The following COL21A1 variants were observed in gnomAD, a reference collection of about 807,000 sequenced individuals.
COL21A1 encodes the protein collagen type XXI alpha 1 chain.
In COL21A1, 149 loss-of-function variants were observed where a neutral mutation model predicts 137.9. The ratio of observed to expected loss-of-function variants is 1.08; its 90% CI spans 0.95 to 1.24. COL21A1 has a LOEUF of 1.24. COL21A1 is among the 50% of genes most tolerant of loss of function. The pLI is 0.00. For synonymous variants in COL21A1, 456 were observed against 391.5 expected (o/e 1.16, Z -1.95); for missense variants, 1,167 against 1,158.4 (o/e 1.01, Z -0.11).
chr6:56,073,624 A>T (rs1766952363), intron 20 of COL21A1, among the ~76,000 whole-genome samples: 1 of 151,498 alleles, frequency 6.6e-6, no homozygotes, highest in African/African-American at 2.4e-5. Context: ...TTAACCAAGA[A>T]AACAAAATAG....
At chr6:56,101,750 T>TG (rs199903313) in intron 16 of COL21A1, among the ~76,000 whole-genome samples, 10,878 of 152,206 alleles carry the variant, frequency 0.071, 412 homozygotes, top group Middle Eastern at 0.11. Flanking sequence ...GGCAGATAAT[T>TG]AAGTTATTAA....
chr6:56,071,605 GT>G (rs1204663116), intron 20 of COL21A1, among the ~76,000 whole-genome samples: 1 of 151,438 alleles, frequency 6.6e-6, no homozygotes, highest in Non-Finnish European at 1.5e-5. Flanking sequence ...TTTTAAAAAA[GT>G]TTTGTAGGCT....
intron 10 of COL21A1, among the ~76,000 whole-genome samples, chr6:56,147,550 G>C (rs3846918): frequency 0.77 from 117,110 of 151,728 alleles, 46,136 homozygotes; most frequent in African/African-American, 0.93. Context: ...GTAGAAACAG[G>C]CCTACATTCA....
intron 1 of COL21A1, among the ~76,000 whole-genome samples, chr6:56,210,192 A>G (rs1780072067): frequency 6.6e-6 from 1 of 152,158 alleles, no homozygotes; most frequent in African/African-American, 2.4e-5. Flanking sequence ...CCACCATGGC[A>G]TGTGTAAACC....
chr6:56,273,287 A>G (rs910138442), intron 1 of COL21A1, among the ~76,000 whole-genome samples: 7 of 152,242 alleles, frequency 4.6e-5, no homozygotes, highest in African/African-American at 7.2e-5. Context: ...GAGAAGTTAG[A>G]AACATCTCAA....
At chr6:56,134,745 T>G (rs1217523235) in intron 12 of COL21A1, among the ~76,000 whole-genome samples, 2 of 152,198 alleles carry the variant, frequency 1.3e-5, no homozygotes, top group Non-Finnish European at 2.9e-5. Context: ...TCTCGTGAGA[T>G]CTGATCGTTT....
chr6:56,363,915 A>C (rs577989894), intron 1 of COL21A1, among the ~76,000 whole-genome samples: 1 of 152,362 alleles, frequency 6.6e-6, no homozygotes, highest in South Asian at 2.1e-4. Context: ...CAGAACAAAA[A>C]TTAGATCAAT....
At chr6:56,064,447 T>TTA in intron 24 of COL21A1, 131 bp downstream of exon 24, 2 of 605,616 alleles carry the variant, frequency 3.3e-6, no homozygotes, top group Non-Finnish European at 2.9e-6. Flanking sequence ...ATGTTCAACC[T>TTA]TATATGCTTA....
In COL21A1 at chr6:56,215,926, T is replaced by C. The variant is rs377358961; in HGVS notation, c.-39+31461A>G. Among the ~76,000 whole-genome samples the C allele has an allele frequency of 1.3e-3, 196 of 152,232 alleles. 1 individual carries two copies. The highest frequency in any genetic ancestry group is 4.6e-3 in the African/African-American group (190 of 41,566). On this transcript the variant is annotated intron_variant, in intron 1 of 29. Coordinates refer to ENST00000244728, the MANE Select transcript of COL21A1 (RefSeq NM_030820.4). ...TATTACATATTCATGTGTATATGTGTATATATTCCAACTGCTTGACTACTT... is the reference window on the plus strand; with the variant it reads ...TATTACATATTCATGTGTATATGTGCATATATTCCAACTGCTTGACTACTT...
At chr6:56,291,922 CT>C (rs1764056130) in intron 1 of COL21A1, among the ~76,000 whole-genome samples, 2 of 152,166 alleles carry the variant, frequency 1.3e-5, no homozygotes, top group Non-Finnish European at 2.9e-5. Context: ...AATCCCAGCA[CT>C]TTGGGAGGCC....
intron 1 of COL21A1, among the ~76,000 whole-genome samples, chr6:56,352,737 G>A (rs921628744): frequency 6.6e-6 from 1 of 152,032 alleles, no homozygotes; most frequent in Non-Finnish European, 1.5e-5. Flanking sequence ...GAACTCAAGA[G>A]TCTTACAGAA....
At chr6:56,293,201 A>C (rs1443509291) in intron 1 of COL21A1, among the ~76,000 whole-genome samples, 1 of 152,176 alleles carries the variant, frequency 6.6e-6, no homozygotes, top group Non-Finnish European at 1.5e-5. Context: ...TTTTACGTGA[A>C]ATAAAATTAA....
chr6:56,355,791 C>T lies in COL21A1; in HGVS notation c.-39+38180G>A, dbSNP rs1289444234. On this transcript the variant is annotated intron_variant, in intron 1 of 28. Transcript: ENST00000370819. ...GGTTGTTGGAGCCAGCTGATGGATC[C>T]AAAGATATTCTTATACTATTCTCTA... 2.0e-5 allele frequency among the ~76,000 whole-genome samples: 3 copies of T among 152,034 alleles called. No individual in the cohort carries two copies. In the East Asian group the frequency reaches 5.8e-4, roughly 29 times the overall value.
intron 1 of COL21A1, among the ~76,000 whole-genome samples, chr6:56,289,964 C>T (rs1205361684): frequency 2.0e-5 from 3 of 151,960 alleles, no homozygotes; most frequent in Admixed American, 1.3e-4. Flanking sequence ...TGTAGGAAGG[C>T]TGATACCTTG....
chr6:56,215,126 C>A (rs540574798), intron 1 of COL21A1, among the ~76,000 whole-genome samples: 2 of 152,150 alleles, frequency 1.3e-5, no homozygotes, highest in Admixed American at 1.3e-4. Context: ...TCCCTTGATT[C>A]TTTTATTGGC....
At chr6:56,355,683 T>A (rs775824831) in intron 1 of COL21A1, among the ~76,000 whole-genome samples, 26 of 152,318 alleles carry the variant, frequency 1.7e-4, no homozygotes, top group Non-Finnish European at 3.7e-4. Context: ...CAAGTTTTTG[T>A]AGATAAAATT....
intron 3 of COL21A1, 130 bp from the exon 4 acceptor site, chr6:56,171,258 A>C: frequency 2.0e-6 from 1 of 503,954 alleles, no homozygotes; most frequent in Non-Finnish European, 3.4e-6. Flanking sequence ...ATGTATACAA[A>C]TGTATAGTAT....
Position 56,057,237 on chromosome 6 carries a change from T to A in COL21A1, c.*420A>T, listed in dbSNP as rs1245957450. On this transcript the variant is annotated 3_prime_UTR_variant, in exon 30 of 30. Transcript: ENST00000244728. ...ATCTTACTTCCAATGATGAGATACA[T>A]GTTTTGGCTTATGTAGTAGCATGAG... 1 of 245,432 alleles carries A rather than the reference T, an allele frequency of 4.1e-6. No individual in the cohort carries two copies. Among genetic ancestry groups the A allele is most frequent in the East Asian group, 1.6e-4 (1 of 6,084 alleles). The allele number at this position is 245,432 out of a possible 1,614,324, so 15.2% of individuals were successfully genotyped here. A position where few individuals can be genotyped will look rare whatever the true frequency, so the allele number is the denominator to read the frequency against.
chr6:56,359,472 T>A (rs997844487), intron 1 of COL21A1, among the ~76,000 whole-genome samples: 16 of 152,184 alleles, frequency 1.1e-4, no homozygotes, highest in African/African-American at 3.6e-4. Context: ...CTGAATCAGA[T>A]CATGGAAGTA....
Sources: gnomAD v4.1 joint callset for allele counts (sites outside exome capture counted in the v4.1 genomes callset) on GRCh38, gnomAD v4.1.1 for gene constraint, MANE v1.5 for transcripts, NCBI Gene and HGNC (gene_info 2026-07-23, HGNC 2026-07-21) for gene names.